Variants in BTBD9 observed in about 807,000 individuals in gnomAD.
BTBD9 encodes the protein BTB domain containing 9.
Under a neutral mutation model 64.3 loss-of-function variants are expected in BTBD9, and 49 were observed. That is an observed-to-expected ratio of 0.76 (90% confidence interval 0.61 to 0.97). The LOEUF is 0.97. Ranked by LOEUF, BTBD9 falls within the 50% of genes least tolerant of loss-of-function variation. BTBD9 has a pLI of 0.00. For synonymous variants in BTBD9, 260 were observed against 274.7 expected (o/e 0.95, Z 0.53); for missense variants, 598 against 762.1 (o/e 0.78, Z 2.53).
At chr6:38,502,936 T>C (rs1293889513) in intron 6 of BTBD9, among the ~76,000 whole-genome samples, 4 of 152,196 alleles carry the variant, frequency 2.6e-5, no homozygotes, top group Non-Finnish European at 5.9e-5. Context: ...GGTAAATCAC[T>C]GTAACGCAAT....
chr6:38,213,206 G>A (rs1027472425), intron 9 of BTBD9, among the ~76,000 whole-genome samples: 3 of 152,078 alleles, frequency 2.0e-5, no homozygotes, highest in African/African-American at 7.2e-5. Flanking sequence ...CTAAACCCCT[G>A]TGGGTATTTT....
chr6:38,441,118 C>T (rs941235134), intron 6 of BTBD9, among the ~76,000 whole-genome samples: 24 of 152,124 alleles, frequency 1.6e-4, no homozygotes, highest in Non-Finnish European at 4.4e-5. Flanking sequence ...AAACAGAAAC[C>T]TTCTAAGGAG....
chr6:38,599,527 G>A (rs978644439), intron 1 of BTBD9, among the ~76,000 whole-genome samples: 25 of 152,190 alleles, frequency 1.6e-4, no homozygotes, highest in African/African-American at 4.6e-4. Flanking sequence ...AGATGCCCCC[G>A]GTGAAGAGGT....
At chr6:38,629,995 G>C (rs984108364) in intron 1 of BTBD9, among the ~76,000 whole-genome samples, 5 of 151,860 alleles carry the variant, frequency 3.3e-5, no homozygotes, top group African/African-American at 1.2e-4. Context: ...ATCACCTGAG[G>C]TCAAGAGTTT....
intron 6 of BTBD9, among the ~76,000 whole-genome samples, chr6:38,517,191 C>T (rs923990765): frequency 6.6e-6 from 1 of 152,182 alleles, no homozygotes; most frequent in Non-Finnish European, 1.5e-5. Context: ...TGGAACACTG[C>T]CAACACTTCC....
At chr6:38,334,881 T>G (rs906384746) in intron 7 of BTBD9, among the ~76,000 whole-genome samples, 5 of 152,064 alleles carry the variant, frequency 3.3e-5, no homozygotes, top group Admixed American at 1.3e-4. Flanking sequence ...GAAAGGATAA[T>G]AAGATACATA....
At chr6:38,570,301 C>G (rs1775705458) in intron 6 of BTBD9, among the ~76,000 whole-genome samples, 1 of 152,174 alleles carries the variant, frequency 6.6e-6, no homozygotes, top group Non-Finnish European at 1.5e-5. Context: ...TTCTCCTACT[C>G]TAAGGTAGAG....
intron 9 of BTBD9, among the ~76,000 whole-genome samples, chr6:38,233,323 T>C (rs1208707294): frequency 6.6e-6 from 1 of 152,194 alleles, no homozygotes; most frequent in Non-Finnish European, 1.5e-5. Flanking sequence ...CTGTGCCAAG[T>C]TGTGGTGATT....
intron 9 of BTBD9, among the ~76,000 whole-genome samples, chr6:38,209,351 A>C (rs1762756838): frequency 6.6e-6 from 1 of 152,224 alleles, no homozygotes; most frequent in South Asian, 2.1e-4. Flanking sequence ...GAACTGACAT[A>C]AAAATCATGT....
chr6:38,477,403 C>A (rs796669284), intron 6 of BTBD9, among the ~76,000 whole-genome samples: 8 of 152,210 alleles, frequency 5.3e-5, no homozygotes, highest in African/African-American at 1.9e-4. Context: ...TAAGAGCAAA[C>A]TCTCATCTAC....
intron 7 of BTBD9, among the ~76,000 whole-genome samples, chr6:38,314,364 T>G (rs1185345866): frequency 6.6e-6 from 1 of 151,624 alleles, no homozygotes; most frequent in Non-Finnish European, 1.5e-5. Flanking sequence ...CCCGGCTAAT[T>G]TTTTGTATTT....
intron 8 of BTBD9, among the ~76,000 whole-genome samples, chr6:38,283,609 A>G (rs1195449212): frequency 6.6e-6 from 1 of 152,226 alleles, no homozygotes; most frequent in Non-Finnish European, 1.5e-5. Context: ...TGATCACACC[A>G]TCATGTTTGA....
intron 6 of BTBD9, among the ~76,000 whole-genome samples, chr6:38,488,541 G>A (rs1035640645): frequency 2.0e-5 from 3 of 152,028 alleles, no homozygotes; most frequent in South Asian, 2.1e-4. Flanking sequence ...TCCTGTCTCC[G>A]GGCTCCTAGG....
At chr6:38,524,844 A>G (rs185805963) in intron 6 of BTBD9, among the ~76,000 whole-genome samples, 7 of 152,266 alleles carry the variant, frequency 4.6e-5, no homozygotes, top group Admixed American at 4.6e-4. Flanking sequence ...AGAGATCAGA[A>G]TAATTCATTC....
At chr6:38,322,926 C>A (rs1020251429) in intron 7 of BTBD9, among the ~76,000 whole-genome samples, 2 of 152,010 alleles carry the variant, frequency 1.3e-5, no homozygotes, top group Non-Finnish European at 2.9e-5. Flanking sequence ...CGTACTATAT[C>A]CTCAAGACAA....
intron 7 of BTBD9, among the ~76,000 whole-genome samples, chr6:38,315,773 A>G (rs1186263867): frequency 3.3e-5 from 5 of 152,214 alleles, no homozygotes; most frequent in South Asian, 4.1e-4. Flanking sequence ...GAGCAGAAGA[A>G]TGTGTATTCT....
intron 9 of BTBD9, among the ~76,000 whole-genome samples, chr6:38,222,460 C>T (rs572400914): frequency 4.0e-4 from 60 of 151,790 alleles, no homozygotes; most frequent in Non-Finnish European, 6.2e-4. Context: ...GGGGTTTCAC[C>T]GTGTTAGCCA....
intron 10 of BTBD9, among the ~76,000 whole-genome samples, chr6:38,183,430 A>G (rs893751177): frequency 6.6e-6 from 1 of 152,188 alleles, no homozygotes; most frequent in Non-Finnish European, 1.5e-5. Flanking sequence ...CACTGGGGCC[A>G]CACAGCTGGC....
chr6:38,312,623 T>A (rs769011023), intron 7 of BTBD9, among the ~76,000 whole-genome samples: 5 of 152,224 alleles, frequency 3.3e-5, no homozygotes, highest in Non-Finnish European at 7.3e-5. Context: ...TTCTTCCACA[T>A]ATGGATATCC....
Sources: gnomAD v4.1 joint callset for allele counts (sites outside exome capture counted in the v4.1 genomes callset) on GRCh38, gnomAD v4.1.1 for gene constraint, MANE v1.5 for transcripts, NCBI Gene and HGNC (gene_info 2026-07-23, HGNC 2026-07-21) for gene names.